Variants in CSMD1 observed in about 807,000 individuals in gnomAD.
CSMD1 encodes CUB and sushi domain-containing protein 1.
Under a neutral mutation model 417.5 loss-of-function variants are expected in CSMD1, and 213 were observed. The observed-to-expected ratio is 0.51, with a 90% CI of 0.46 to 0.57. The LOEUF (loss-of-function observed/expected upper bound fraction) is 0.57. Among genes scored for constraint, CSMD1 ranks in the 20% least tolerant of loss-of-function variants. The probability of loss-of-function intolerance (pLI) is 0.00; values close to 1 mark genes in which losing one functional copy is unlikely to be tolerated. For missense variants in CSMD1, 6,923 were observed against 4,529.7 expected (o/e 1.53, Z -15.17); for synonymous variants, 2,862 against 1,736.8 (o/e 1.65, Z -16.11).
chr8:4,940,070 C>T (rs74709110), intron 1 of CSMD1, among the ~76,000 whole-genome samples: 3 of 151,900 alleles, frequency 2.0e-5, no homozygotes, highest in Non-Finnish European at 4.4e-5. Flanking sequence ...GGTAGGAGAA[C>T]CGGGCAGAAA....
chr8:4,553,995 C>G (rs1448192572), intron 2 of CSMD1, among the ~76,000 whole-genome samples: 2 of 152,156 alleles, frequency 1.3e-5, no homozygotes, highest in Non-Finnish European at 2.9e-5. Context: ...ACAGTCTGGC[C>G]AAAGCTTAGT....
At chr8:4,994,198 G>C (rs887022084) in intron 1 of CSMD1, 134 bp downstream of exon 1, 4 of 733,712 alleles carry the variant, frequency 5.5e-6, no homozygotes, top group African/African-American at 3.5e-5. Flanking sequence ...CGTTCCCCGA[G>C]CTTCGGCGAT....
At position 4,032,149 on chromosome 8, in the gene CSMD1, G is replaced by A. The variant is rs766933869; in HGVS notation, c.416-50C>T. The A allele has an allele frequency of 6.4e-6, 9 of 1,413,494 alleles. 1 individual carries two copies. In the South Asian group the frequency reaches 1.0e-4, roughly 16 times the overall value. The allele number at this position is 1,413,494 out of a possible 1,614,324, so 87.6% of individuals were successfully genotyped here. On this transcript the variant is annotated intron_variant, in intron 3 of 69. Transcript: ENST00000635120. ...GAAAAAACAAGTTAAATTTTCCATG[G>A]AGAGCCACTTATAAGATAAAACAGA...
At chr8:3,609,482 A>G (rs1296317189) in intron 8 of CSMD1, among the ~76,000 whole-genome samples, 1 of 152,188 alleles carries the variant, frequency 6.6e-6, no homozygotes, top group Non-Finnish European at 1.5e-5. Flanking sequence ...TTCTTCGGGT[A>G]TTTTATACAT....
chr8:3,278,191 C>T (rs545421549), intron 26 of CSMD1, among the ~76,000 whole-genome samples: 4 of 151,972 alleles, frequency 2.6e-5, no homozygotes, highest in Non-Finnish European at 5.9e-5. Flanking sequence ...GAAAGAGTTT[C>T]CAGAAGAGAG....
intron 6 of CSMD1, among the ~76,000 whole-genome samples, chr8:3,753,031 C>A (rs1034109874): frequency 5.5e-4 from 84 of 152,214 alleles, no homozygotes; most frequent in African/African-American, 2.0e-3. Context: ...AAACTGCAAA[C>A]TGTCTCCGTG....
chr8:3,269,962 T>A (rs6994942), intron 26 of CSMD1, among the ~76,000 whole-genome samples: 40,715 of 151,118 alleles, frequency 0.27, 5,731 homozygotes, highest in African/African-American at 0.34. Flanking sequence ...AAAGTTTAGG[T>A]CACAACCCTA....
intron 7 of CSMD1, among the ~76,000 whole-genome samples, chr8:3,705,682 T>C (rs907071118): frequency 1.3e-5 from 2 of 152,238 alleles, no homozygotes; most frequent in African/African-American, 2.4e-5. Context: ...TCTTCTGTCA[T>C]ATCCGCAACA....
intron 3 of CSMD1, among the ~76,000 whole-genome samples, chr8:4,232,280 C>A (rs924472918): frequency 1.3e-4 from 20 of 152,166 alleles, no homozygotes; most frequent in African/African-American, 4.6e-4. Flanking sequence ...CTCACTGCAA[C>A]CTCCGCCTCC....
chr8:4,899,158 T>G (rs1431198932), intron 1 of CSMD1, among the ~76,000 whole-genome samples: 1 of 152,194 alleles, frequency 6.6e-6, no homozygotes, highest in Admixed American at 6.5e-5. Context: ...AGCTAAAACC[T>G]TTCTCTCAAC....
chr8:3,603,190 G>T (rs1188570565), intron 8 of CSMD1, among the ~76,000 whole-genome samples: 1 of 152,132 alleles, frequency 6.6e-6, no homozygotes, highest in African/African-American at 2.4e-5. Flanking sequence ...TGCAGTTGAT[G>T]CTCTTTGAAA....
intron 1 of CSMD1, among the ~76,000 whole-genome samples, chr8:4,887,244 T>C (rs185674547): frequency 2.0e-5 from 3 of 152,234 alleles, no homozygotes; most frequent in Admixed American, 2.0e-4. Flanking sequence ...ATTTATTTAG[T>C]TGTATGCTGT....
At chr8:4,932,412 G>C (rs1807307453) in intron 1 of CSMD1, among the ~76,000 whole-genome samples, 1 of 151,908 alleles carries the variant, frequency 6.6e-6, no homozygotes, top group Non-Finnish European at 1.5e-5. Flanking sequence ...CTTCTGTGAG[G>C]TGAAGACACG....
chr8:4,458,807 A>C (rs148969839), intron 2 of CSMD1, among the ~76,000 whole-genome samples: 5,083 of 152,276 alleles, frequency 0.033, 161 homozygotes, highest in Non-Finnish European at 0.043. Flanking sequence ...TTTTTTAACA[A>C]CTTTTCAATT....
intron 50 of CSMD1, among the ~76,000 whole-genome samples, chr8:3,051,212 G>A (rs1446923684): frequency 6.6e-6 from 1 of 152,158 alleles, no homozygotes; most frequent in Non-Finnish European, 1.5e-5. Flanking sequence ...GCCCATCAGT[G>A]GTAGACTGCA....
At chr8:3,385,767 G>A (rs922013636) in intron 18 of CSMD1, among the ~76,000 whole-genome samples, 1 of 152,070 alleles carries the variant, frequency 6.6e-6, no homozygotes, top group African/African-American at 2.4e-5. Context: ...TGTCTTTCCA[G>A]AAAAACTTAG....
intron 7 of CSMD1, among the ~76,000 whole-genome samples, chr8:3,682,267 G>T (rs1036239592): frequency 2.0e-5 from 3 of 151,964 alleles, no homozygotes; most frequent in African/African-American, 7.3e-5. Context: ...CTAAAAAATG[G>T]GATAAAATTT....
intron 3 of CSMD1, among the ~76,000 whole-genome samples, chr8:4,394,758 G>C (rs1170897297): frequency 2.0e-5 from 3 of 152,142 alleles, no homozygotes; most frequent in South Asian, 2.1e-4. Context: ...ATCTTAATCA[G>C]ATCCATCTGC....
intron 10 of CSMD1, among the ~76,000 whole-genome samples, chr8:3,544,274 T>A (rs1401708214): frequency 6.6e-6 from 1 of 152,214 alleles, no homozygotes; most frequent in Non-Finnish European, 1.5e-5. Context: ...AAAAAGAGCG[T>A]TCTTAATTTT....
Sources: gnomAD v4.1 joint callset for allele counts (sites outside exome capture counted in the v4.1 genomes callset) on GRCh38, gnomAD v4.1.1 for gene constraint, MANE v1.5 for transcripts, NCBI Gene and HGNC (gene_info 2026-07-23, HGNC 2026-07-21) for gene names.